Variants in RALYL observed in about 807,000 individuals in gnomAD.
RALYL encodes the protein RNA-binding Raly-like protein.
Under a neutral mutation model 35.1 loss-of-function variants are expected in RALYL, and 29 were observed. The ratio of observed to expected loss-of-function variants is 0.83; its 90% CI spans 0.61 to 1.13. The LOEUF (loss-of-function observed/expected upper bound fraction) is 1.13. Among genes scored for constraint, RALYL ranks in the 50% most tolerant of loss-of-function variants. The pLI is 0.00. For synonymous variants in RALYL, 120 were observed against 127.6 expected, an observed-to-expected ratio of 0.94 and a Z score of 0.40; for missense variants, 359 against 360.4, an observed-to-expected ratio of 1.00 and a Z score of 0.03.
intron 2 of RALYL, among the ~76,000 whole-genome samples, chr8:84,772,791 C>T (rs778155156): frequency 6.6e-6 from 1 of 152,028 alleles, no homozygotes; most frequent in South Asian, 2.1e-4. Flanking sequence ...TATTTCTTCT[C>T]TCTCATTTCT....
intron 2 of RALYL, among the ~76,000 whole-genome samples, chr8:84,625,358 G>T (rs945823450): frequency 1.3e-5 from 2 of 152,148 alleles, no homozygotes; most frequent in African/African-American, 4.8e-5. Flanking sequence ...ATTGTCTCCT[G>T]TGCTAAATTT....
intron 1 of RALYL, among the ~76,000 whole-genome samples, chr8:84,339,787 C>T (rs1203728471): frequency 6.6e-6 from 1 of 152,014 alleles, no homozygotes; most frequent in African/African-American, 2.4e-5. Context: ...ACCTATGCCT[C>T]TTCCTAGTTC....
intron 1 of RALYL, among the ~76,000 whole-genome samples, chr8:84,250,739 G>A (rs960180676): frequency 3.3e-5 from 5 of 152,232 alleles, no homozygotes; most frequent in African/African-American, 4.8e-5. Flanking sequence ...TGAAAAAGGT[G>A]ACTTTTCAGT....
At chr8:84,295,321 T>A (rs1051094529) in intron 1 of RALYL, among the ~76,000 whole-genome samples, 3 of 152,076 alleles carry the variant, frequency 2.0e-5, no homozygotes, top group Admixed American at 6.6e-5. Flanking sequence ...ATTGAGGAGA[T>A]CTTTAAGGAA....
intron 2 of RALYL, among the ~76,000 whole-genome samples, chr8:84,665,155 C>T (rs1251087658): frequency 1.3e-5 from 2 of 152,016 alleles, no homozygotes; most frequent in African/African-American, 2.4e-5. Flanking sequence ...TTGAACCAAC[C>T]TTGCATGAAG....
intron 1 of RALYL, among the ~76,000 whole-genome samples, chr8:84,246,076 G>T (rs1454882258): frequency 1.3e-5 from 2 of 152,234 alleles, no homozygotes; most frequent in East Asian, 3.9e-4. Flanking sequence ...GGAGAGAGAT[G>T]TTCTTTGGAT....
intron 1 of RALYL, among the ~76,000 whole-genome samples, chr8:84,199,087 G>C (rs755728948): frequency 5.3e-5 from 8 of 152,048 alleles, no homozygotes; most frequent in Non-Finnish European, 1.5e-5. Flanking sequence ...TTCCATAGTG[G>C]TTGTACTAAT....
chr8:84,775,103 C>T (rs1040711408), intron 3 of RALYL, among the ~76,000 whole-genome samples: 1 of 152,034 alleles, frequency 6.6e-6, no homozygotes, highest in African/African-American at 2.4e-5. Context: ...GTGCCCACCA[C>T]CACACCCAGC....
intron 8 of RALYL, among the ~76,000 whole-genome samples, chr8:84,909,255 G>A (rs1587155279): frequency 6.6e-6 from 1 of 152,168 alleles, no homozygotes; most frequent in East Asian, 1.9e-4. Flanking sequence ...AGAGCAAGTT[G>A]ATTGTAGAGA....
chr8:84,400,781 T>TA (rs1220434669), intron 1 of RALYL, among the ~76,000 whole-genome samples: 1 of 152,200 alleles, frequency 6.6e-6, no homozygotes, highest in Non-Finnish European at 1.5e-5. Flanking sequence ...TAGGCACCAT[T>TA]AGTTTATTTG....
intron 2 of RALYL, among the ~76,000 whole-genome samples, chr8:84,675,111 T>G (rs182593307): frequency 1.3e-5 from 2 of 152,266 alleles, no homozygotes; most frequent in Admixed American, 6.5e-5. Flanking sequence ...ACAAATAAGA[T>G]TTATCGTATT....
At chr8:84,370,565 A>C (rs1029718803) in intron 1 of RALYL, among the ~76,000 whole-genome samples, 1 of 152,020 alleles carries the variant, frequency 6.6e-6, no homozygotes, top group South Asian at 2.1e-4. Context: ...GTATGTTAGA[A>C]TGGTAAGAGT....
At chr8:84,492,010 A>T (rs950211667) in intron 1 of RALYL, among the ~76,000 whole-genome samples, 2 of 151,970 alleles carry the variant, frequency 1.3e-5, no homozygotes, top group African/African-American at 4.8e-5. Context: ...TAAATAAAGC[A>T]TTTTTTAGAA....
chr8:84,866,737 T>C (rs1170604722), intron 6 of RALYL, among the ~76,000 whole-genome samples: 3 of 152,148 alleles, frequency 2.0e-5, no homozygotes, highest in African/African-American at 7.2e-5. Flanking sequence ...TAATAACTAT[T>C]ATTATCTGAA....
At chr8:84,390,294 C>T (rs558577371) in intron 1 of RALYL, among the ~76,000 whole-genome samples, 23 of 151,972 alleles carry the variant, frequency 1.5e-4, no homozygotes, top group South Asian at 2.1e-4. Flanking sequence ...GATATTGGTC[C>T]AAAATTCTCT....
intron 2 of RALYL, among the ~76,000 whole-genome samples, chr8:84,737,644 A>G (rs1370000355): frequency 6.6e-6 from 1 of 152,064 alleles, no homozygotes; most frequent in African/African-American, 2.4e-5. Context: ...GTCACAGACT[A>G]AATGTTTGTG....
At chr8:84,804,733 T>G (rs1212868157) in intron 3 of RALYL, 37 bp from the exon 4 acceptor site, 1 of 1,088,558 alleles carries the variant, frequency 9.2e-7, no homozygotes, top group Non-Finnish European at 1.2e-6. Flanking sequence ...TACAGCAAAT[T>G]TTTATATTAA....
intron 7 of RALYL, among the ~76,000 whole-genome samples, chr8:84,886,092 C>T (rs535366094): frequency 2.0e-5 from 3 of 152,198 alleles, no homozygotes; most frequent in Admixed American, 6.6e-5. Flanking sequence ...TCAACTAGAG[C>T]TCAGAGTAAC....
At chr8:84,826,635 T>C (rs144320838) in intron 4 of RALYL, among the ~76,000 whole-genome samples, 8 of 152,160 alleles carry the variant, frequency 5.3e-5, no homozygotes, top group African/African-American at 1.7e-4. Flanking sequence ...AATGTTGACA[T>C]TTGACATGCC....
Sources: gnomAD v4.1 joint callset for allele counts (sites outside exome capture counted in the v4.1 genomes callset) on GRCh38, gnomAD v4.1.1 for gene constraint, MANE v1.5 for transcripts, NCBI Gene and HGNC (gene_info 2026-07-23, HGNC 2026-07-21) for gene names.